Variants in PPFIA2 observed in about 807,000 individuals in gnomAD.
PPFIA2 encodes the protein PPFI scaffold protein A2, also known as liprin-alpha-2.
In PPFIA2, 46 loss-of-function variants were observed where a neutral mutation model predicts 175.5. That is an observed-to-expected ratio of 0.26 (90% CI 0.21 to 0.34). PPFIA2 has a LOEUF of 0.34. PPFIA2 is among the 10% of genes least tolerant of loss of function. PPFIA2 has a pLI of 1.00. For missense variants in PPFIA2, 1,179 were observed against 1,506.1 expected, an observed-to-expected ratio of 0.78 and a Z score of 3.60; for synonymous variants, 568 against 511.4, an observed-to-expected ratio of 1.11 and a Z score of -1.49.
chr12:81,280,812 T>A (rs917041443), intron 27 of PPFIA2, among the ~76,000 whole-genome samples: 3 of 152,076 alleles, frequency 2.0e-5, no homozygotes, highest in Non-Finnish European at 2.9e-5. Context: ...AACACAAATA[T>A]GTCTTAGAAG....
chr12:81,651,393 C>T (rs944071850), intron 4 of PPFIA2, among the ~76,000 whole-genome samples: 3 of 152,008 alleles, frequency 2.0e-5, no homozygotes, highest in Non-Finnish European at 4.4e-5. Flanking sequence ...GAAACATTAA[C>T]AAAACTTTTT....
chr12:81,562,846 CAAAA>C (rs11475809), intron 4 of PPFIA2, among the ~76,000 whole-genome samples: 222 of 29,488 alleles, frequency 7.5e-3, no homozygotes, highest in African/African-American at 0.029. Context: ...GACTCTGTCT[CAAAA>C]AAAAAAAAAA....
rs571919213 is a variant in PPFIA2 at position 81,304,884 on chromosome 12, A to G, written c.2643-5502T>C. On this transcript the variant is annotated intron_variant, in intron 22 of 32. Transcript: ENST00000549396. ...AAGAACATAAAATAATTTGTACATT[A>G]TAAAGGCATTTCTGGCTGTTGAGGA... Among the ~76,000 whole-genome samples the G allele has an allele frequency of 1.3e-4, 20 of 152,188 alleles. No individual in the cohort carries two copies. In the East Asian group the frequency reaches 3.5e-3, roughly 27 times the overall value.
At chr12:81,421,671 T>C (rs1319154072) in intron 7 of PPFIA2, among the ~76,000 whole-genome samples, 8 of 151,868 alleles carry the variant, frequency 5.3e-5, no homozygotes, top group Non-Finnish European at 1.2e-4. Flanking sequence ...AAAAAGAAAT[T>C]AGTAATTCCT....
At chr12:81,566,148 G>A (rs1278969251) in intron 4 of PPFIA2, among the ~76,000 whole-genome samples, 1 of 152,134 alleles carries the variant, frequency 6.6e-6, no homozygotes, top group African/African-American at 2.4e-5. Context: ...TTTCTTCAGA[G>A]TTAGAATATA....
At chr12:81,304,472 G>A (rs1198888480) in intron 22 of PPFIA2, among the ~76,000 whole-genome samples, 7 of 152,208 alleles carry the variant, frequency 4.6e-5, no homozygotes, top group Non-Finnish European at 8.8e-5. Context: ...CCATTGATAT[G>A]TGTTCTACAG....
intron 4 of PPFIA2, among the ~76,000 whole-genome samples, chr12:81,504,892 G>A (rs1255286437): frequency 6.6e-6 from 1 of 152,048 alleles, no homozygotes; most frequent in Admixed American, 6.6e-5. Flanking sequence ...ACTAACACAG[G>A]AACAGAAAAC....
intron 4 of PPFIA2, among the ~76,000 whole-genome samples, chr12:81,650,716 A>C (rs1349089812): frequency 6.6e-6 from 1 of 152,190 alleles, no homozygotes; most frequent in African/African-American, 2.4e-5. Context: ...CTTTAATTCC[A>C]AGTGGAAGAT....
intron 5 of PPFIA2, among the ~76,000 whole-genome samples, chr12:81,457,032 G>A (rs975853824): frequency 1.3e-5 from 2 of 150,674 alleles, no homozygotes; most frequent in Non-Finnish European, 3.0e-5. Context: ...TTGAGACAGA[G>A]TCTCACTCTG....
At chr12:81,451,749 G>T (rs751714662) in intron 5 of PPFIA2, among the ~76,000 whole-genome samples, 5 of 152,060 alleles carry the variant, frequency 3.3e-5, no homozygotes, top group Non-Finnish European at 5.9e-5. Context: ...GTTGAATTGG[G>T]TTAATGATAA....
chr12:81,286,018 C>A (rs1283355120), intron 24 of PPFIA2, among the ~76,000 whole-genome samples: 1 of 151,930 alleles, frequency 6.6e-6, no homozygotes, highest in East Asian at 1.9e-4. Context: ...TACTGATGGT[C>A]CCGATCCTGT....
chr12:81,722,875 T>C (rs1405412643), intron 3 of PPFIA2, among the ~76,000 whole-genome samples: 3 of 151,206 alleles, frequency 2.0e-5, no homozygotes, highest in African/African-American at 7.3e-5. Flanking sequence ...AATATGATTT[T>C]TATTCAAAAT....
intron 4 of PPFIA2, among the ~76,000 whole-genome samples, chr12:81,538,508 C>T (rs559263764): frequency 6.6e-6 from 1 of 151,592 alleles, no homozygotes. Context: ...AGAGGATGTT[C>T]GGGAAGATTG....
intron 22 of PPFIA2, among the ~76,000 whole-genome samples, chr12:81,323,245 C>T (rs2054062147): frequency 6.6e-6 from 1 of 151,986 alleles, no homozygotes; most frequent in African/African-American, 2.4e-5. Flanking sequence ...GCTATCCTCA[C>T]AAAGACTAAT....
At chr12:81,753,891 G>A in intron 3 of PPFIA2, 82 bp downstream of exon 3, 1 of 1,502,962 alleles carries the variant, frequency 6.7e-7, no homozygotes, top group Non-Finnish European at 9.1e-7. Flanking sequence ...AAGTGGAAAA[G>A]TAACATTAAG....
intron 28 of PPFIA2, among the ~76,000 whole-genome samples, chr12:81,274,652 T>C (rs1050875102): frequency 2.4e-4 from 37 of 152,342 alleles, no homozygotes; most frequent in African/African-American, 7.7e-4. Flanking sequence ...GACTGCTTCT[T>C]AGCAACAAAT....
intron 4 of PPFIA2, among the ~76,000 whole-genome samples, chr12:81,650,514 T>A (rs1230491062): frequency 1.3e-5 from 2 of 152,112 alleles, no homozygotes; most frequent in Non-Finnish European, 2.9e-5. Context: ...CTACCATGTA[T>A]AGACTTATAT....
intron 22 of PPFIA2, among the ~76,000 whole-genome samples, chr12:81,325,131 T>C (rs1274811728): frequency 6.6e-6 from 1 of 152,064 alleles, no homozygotes; most frequent in Non-Finnish European, 1.5e-5. Flanking sequence ...GAGAAATTGA[T>C]TTACATTTAA....
intron 4 of PPFIA2, among the ~76,000 whole-genome samples, chr12:81,560,766 A>G (rs1278500866): frequency 6.6e-6 from 1 of 152,180 alleles, no homozygotes; most frequent in East Asian, 1.9e-4. Flanking sequence ...ATGTAAGTCT[A>G]TTTCTCAGCT....
Sources: allele counts gnomAD v4.1 joint callset (sites outside exome capture counted in the v4.1 genomes callset), GRCh38; gene constraint gnomAD v4.1.1; transcripts MANE v1.5; gene names NCBI Gene and HGNC (gene_info 2026-07-23, HGNC 2026-07-21).